Variants in MRTFB observed in about 807,000 individuals in gnomAD.
MRTFB encodes myocardin-related transcription factor B.
A neutral mutation model predicts 104.2 loss-of-function variants in MRTFB; 29 were observed. The observed-to-expected ratio is 0.28, with a 90% CI of 0.21 to 0.38. The LOEUF is 0.38. Among genes scored for constraint, MRTFB ranks in the 10% least tolerant of loss-of-function variants. MRTFB has a pLI of 1.00. For synonymous variants in MRTFB, 535 were observed against 519.5 expected, an observed-to-expected ratio of 1.03 and a Z score of -0.41; for missense variants, 1,270 against 1,341.6, an observed-to-expected ratio of 0.95 and a Z score of 0.83.
chr16:14,204,699 G>T (rs1487912296), intron 3 of MRTFB, among the ~76,000 whole-genome samples: 1 of 152,116 alleles, frequency 6.6e-6, no homozygotes, highest in Non-Finnish European at 1.5e-5. Context: ...CCTAAGAGAT[G>T]AAAGATCATA....
At chr16:14,214,144 G>A (rs1013121486) in intron 6 of MRTFB, among the ~76,000 whole-genome samples, 2 of 152,160 alleles carry the variant, frequency 1.3e-5, no homozygotes, top group Non-Finnish European at 2.9e-5. Context: ...TACGAGGCTG[G>A]TAAGGACAGT....
chr16:14,063,120 C>T, the MRTFB span, among the ~76,000 whole-genome samples: 1 of 152,300 alleles, frequency 6.6e-6, no homozygotes, highest in East Asian at 1.9e-4. Flanking sequence ...CTACATCCTG[C>T]CCATCCTTGA....
At chr16:14,156,563 G>A (rs2038835324) in intron 3 of MRTFB, among the ~76,000 whole-genome samples, 1 of 152,134 alleles carries the variant, frequency 6.6e-6, no homozygotes, top group East Asian at 1.9e-4. Context: ...ACCGTGCTAG[G>A]GCCTCTGGGA....
At chr16:14,023,280 A>T in the MRTFB span, among the ~76,000 whole-genome samples, 2 of 151,960 alleles carry the variant, frequency 1.3e-5, no homozygotes, top group Admixed American at 6.6e-5. Flanking sequence ...TCTACAAAAA[A>T]TAAAAATAAA....
upstream of MRTFB, among the ~76,000 whole-genome samples, chr16:14,069,512 G>A (rs186926718): frequency 6.6e-6 from 1 of 152,242 alleles, no homozygotes; most frequent in African/African-American, 2.4e-5. Flanking sequence ...TAGAGACAGG[G>A]TCTCACTCTG....
intron 2 of MRTFB, among the ~76,000 whole-genome samples, chr16:14,136,409 T>G (rs1443357862): frequency 6.6e-6 from 1 of 152,250 alleles, no homozygotes; most frequent in African/African-American, 2.4e-5. Flanking sequence ...TGATTTATCC[T>G]CTGTGTAAGA....
At chr16:14,243,178 A>G (rs1274501675) in intron 10 of MRTFB, among the ~76,000 whole-genome samples, 1 of 152,240 alleles carries the variant, frequency 6.6e-6, no homozygotes, top group Non-Finnish European at 1.5e-5. Flanking sequence ...AAAGGATAAT[A>G]ATGATGCATA....
At chr16:14,038,510 AC>A in the MRTFB span, among the ~76,000 whole-genome samples, 23 of 152,212 alleles carry the variant, frequency 1.5e-4, no homozygotes, top group Non-Finnish European at 2.8e-4. Flanking sequence ...CTTTCTGATT[AC>A]ATGAGGAAGA....
rs536163077 is a variant in MRTFB at position 14,266,008 on chromosome 16, T to A, written c.*4564T>A. 2.0e-5 allele frequency: 3 copies of A among 152,288 alleles called. No homozygotes were observed. Among genetic ancestry groups the A allele is most frequent in the East Asian group, 1.9e-4 (1 of 5,188 alleles). The allele number at this position is 152,288 out of a possible 1,614,324, so 9.4% of individuals were successfully genotyped here. ...GCTAATTTGGTAGGAAGAGGAAGCA[T>A]TTAGGAAAGGGTTTAGTATCTACCA... On this transcript the variant is annotated 3_prime_UTR_variant, in exon 17 of 17. Coordinates refer to ENST00000571589, the MANE Select transcript of MRTFB (RefSeq NM_001308142.2).
chr16:14,239,244 A>G (rs73518938), intron 9 of MRTFB, among the ~76,000 whole-genome samples: 8,286 of 152,332 alleles, frequency 0.054, 359 homozygotes, highest in African/African-American at 0.11. Context: ...ATATTAAAAC[A>G]TATCCAAAGG....
the MRTFB span, among the ~76,000 whole-genome samples, chr16:14,051,303 G>GT: frequency 6.6e-6 from 1 of 150,850 alleles, no homozygotes; most frequent in East Asian, 1.9e-4. Flanking sequence ...CACCATAGAC[G>GT]TACAGACACA....
intron 2 of MRTFB, among the ~76,000 whole-genome samples, chr16:14,101,623 A>T (rs1408925242): frequency 6.6e-6 from 1 of 152,184 alleles, no homozygotes; most frequent in African/African-American, 2.4e-5. Flanking sequence ...TGTGGTGGTC[A>T]TGGTAACTGT....
At chr16:14,085,457 CAAAAA>C (rs386384321) in intron 2 of MRTFB, among the ~76,000 whole-genome samples, 1 of 61,868 alleles carries the variant, frequency 1.6e-5, no homozygotes, top group Non-Finnish European at 3.8e-5. Context: ...AATTCCATCT[CAAAAA>C]AAAAAAAAAA....
chr16:14,120,702 T>C (rs2036801176), intron 2 of MRTFB, among the ~76,000 whole-genome samples: 1 of 152,230 alleles, frequency 6.6e-6, no homozygotes, highest in Non-Finnish European at 1.5e-5. Flanking sequence ...TATATATTGA[T>C]ACATTATGCA....
chr16:14,242,699 A>AC (rs2042826159), intron 10 of MRTFB, among the ~76,000 whole-genome samples: 1 of 152,096 alleles, frequency 6.6e-6, no homozygotes, highest in African/African-American at 2.4e-5. Flanking sequence ...ATCCCTCTGA[A>AC]CGCAGGTCTC....
At chr16:14,192,009 CTTCT>C (rs1406360728) in intron 3 of MRTFB, 42 of 152,176 alleles carry the variant, frequency 2.8e-4, no homozygotes, top group African/African-American at 9.9e-4. Flanking sequence ...TTTGGAATGT[CTTCT>C]TTGTTTTCTG....
At chr16:14,008,516 T>C in the MRTFB span, among the ~76,000 whole-genome samples, 1 of 152,238 alleles carries the variant, frequency 6.6e-6, no homozygotes, top group East Asian at 1.9e-4. Context: ...GGTTTATTTC[T>C]GGACTGTCAA....
intron 3 of MRTFB, among the ~76,000 whole-genome samples, chr16:14,205,041 TAATAAG>T (rs1352479391): frequency 6.6e-6 from 1 of 152,200 alleles, no homozygotes; most frequent in Non-Finnish European, 1.5e-5. Flanking sequence ...GCCACTAAAA[TAATAAG>T]AATATTTATC....
Position 14,205,214 on chromosome 16 carries a change from T to C in MRTFB, c.155-5029T>C, listed in dbSNP as rs112985143. Among the ~76,000 whole-genome samples the C allele has an allele frequency of 3.9e-3, 592 of 152,316 alleles. 2 individuals are homozygous for C. The highest frequency in any genetic ancestry group is 6.8e-3 in the Middle Eastern group (2 of 294). ...GTTTTTTTATCCTACTGTTTTCTAT[T>C]TCCATATTTTGTGTAATGAACATAT... On this transcript the variant is annotated intron_variant, in intron 3 of 16. Coordinates refer to ENST00000571589, the MANE Select transcript of MRTFB (RefSeq NM_001308142.2).
Sources: gnomAD v4.1 joint callset for allele counts (sites outside exome capture counted in the v4.1 genomes callset) on GRCh38, gnomAD v4.1.1 for gene constraint, MANE v1.5 for transcripts, NCBI Gene and HGNC (gene_info 2026-07-23, HGNC 2026-07-21) for gene names.